DEPTOR: variants seen among roughly 807,000 people sequenced by gnomAD.
DEPTOR encodes DEP domain containing MTOR interacting protein, also known as DEP domain-containing mTOR-interacting protein.
Under a neutral mutation model 41.6 loss-of-function variants are expected in DEPTOR, and 41 were observed. The observed-to-expected ratio is 0.98, with a 90% CI of 0.77 to 1.28. The LOEUF (loss-of-function observed/expected upper bound fraction) is 1.28. Among genes scored for constraint, DEPTOR ranks in the 50% most tolerant of loss-of-function variants. The pLI is 0.00. For synonymous variants in DEPTOR, 195 were observed against 192.3 expected, an observed-to-expected ratio of 1.01 and a Z score of -0.12; for missense variants, 514 against 527.9, an observed-to-expected ratio of 0.97 and a Z score of 0.26.
intron 1 of DEPTOR, among the ~76,000 whole-genome samples, chr8:119,927,584 T>A (rs1002704146): frequency 2.0e-5 from 3 of 147,100 alleles, no homozygotes; most frequent in African/African-American, 7.4e-5. Flanking sequence ...TATATATACA[T>A]ATATATTATA....
At chr8:119,905,275 C>G (rs1035662919) in intron 1 of DEPTOR, among the ~76,000 whole-genome samples, 5 of 152,142 alleles carry the variant, frequency 3.3e-5, no homozygotes, top group Admixed American at 3.3e-4. Flanking sequence ...AATTACAACC[C>G]AGCATGAGAA....
chr8:119,955,316 T>C (rs1195903661), intron 3 of DEPTOR, among the ~76,000 whole-genome samples: 1 of 152,238 alleles, frequency 6.6e-6, no homozygotes, highest in African/African-American at 2.4e-5. Context: ...TTCTCTGTTA[T>C]GTTGCTTGTG....
chr8:119,989,482 C>T (rs1172735522), intron 4 of DEPTOR, among the ~76,000 whole-genome samples: 3 of 152,098 alleles, frequency 2.0e-5, no homozygotes, highest in African/African-American at 7.2e-5. Context: ...GGGGTGAGAC[C>T]TGGAGTGAGT....
At chr8:119,888,511 C>T (rs185680821) in intron 1 of DEPTOR, among the ~76,000 whole-genome samples, 68 of 152,220 alleles carry the variant, frequency 4.5e-4, no homozygotes, top group African/African-American at 1.5e-3. Flanking sequence ...AGTGCCTCAT[C>T]ACTAGTTTGA....
intron 3 of DEPTOR, among the ~76,000 whole-genome samples, chr8:119,959,092 C>T (rs559786016): frequency 1.3e-5 from 2 of 151,640 alleles, no homozygotes; most frequent in South Asian, 2.1e-4. Flanking sequence ...TATACCAACT[C>T]TGCTGTTACT....
At chr8:119,946,021 CG>C (rs767345464) in intron 3 of DEPTOR, among the ~76,000 whole-genome samples, 2 of 152,088 alleles carry the variant, frequency 1.3e-5, no homozygotes, top group Non-Finnish European at 2.9e-5. Flanking sequence ...CTCGGTTGGT[CG>C]GGCGCTTTGT....
At chr8:119,989,272 A>G (rs1429834816) in intron 4 of DEPTOR, among the ~76,000 whole-genome samples, 1 of 152,094 alleles carries the variant, frequency 6.6e-6, no homozygotes, top group African/African-American at 2.4e-5. Context: ...AAATATTAGG[A>G]TTACAGGCAG....
intron 6 of DEPTOR, among the ~76,000 whole-genome samples, chr8:120,006,155 A>G (rs554747914): frequency 2.0e-4 from 31 of 152,286 alleles, no homozygotes; most frequent in Non-Finnish European, 3.1e-4. Flanking sequence ...CCTCTCTAGC[A>G]TATGTTGAGT....
chr8:119,929,950 A>T lies in DEPTOR; in HGVS notation c.425+12A>T. 1 of 1,605,996 alleles carries T rather than the reference A, an allele frequency of 6.2e-7. No individual in the cohort carries two copies. Among genetic ancestry groups the T allele is most frequent in the Non-Finnish European group, 8.5e-7 (1 of 1,174,228 alleles). ...AGGCTATATGAAAAGTATGTTCCGCATGAAATCCCCCCTGTAATCTTGACT... is the reference window on the plus strand; with the variant it reads ...AGGCTATATGAAAAGTATGTTCCGCTTGAAATCCCCCCTGTAATCTTGACT... On this transcript the variant is annotated intron_variant, in intron 3 of 8. Coordinates refer to ENST00000286234, the MANE Select transcript of DEPTOR (RefSeq NM_022783.4).
intron 4 of DEPTOR, among the ~76,000 whole-genome samples, chr8:119,996,708 T>A (rs1464906562): frequency 6.6e-6 from 1 of 152,110 alleles, no homozygotes; most frequent in East Asian, 1.9e-4. Context: ...TGCTATAGAT[T>A]TTTTTTGGAT....
rs1813220503 is a variant in DEPTOR, at chr8:120,050,523, T to A, written c.*819T>A. 6.6e-6 allele frequency: 1 copy of A among 152,206 alleles called. No individual in the cohort carries two copies. The highest frequency in any genetic ancestry group is 1.5e-5 in the Non-Finnish European group (1 of 68,034). The allele number at this position is 152,206 out of a possible 1,614,324, so 9.4% of individuals were successfully genotyped here. Reference sequence around the variant, plus strand: ...TAAAAATCAACCCTTCTGGCAAGATTTCACTTTGAAGGTGTCTGTTTTTAA... The same window carrying A: ...TAAAAATCAACCCTTCTGGCAAGATATCACTTTGAAGGTGTCTGTTTTTAA... On this transcript the variant is annotated 3_prime_UTR_variant, in exon 9 of 9. Transcript: ENST00000286234.
intron 3 of DEPTOR, 115 bp downstream of exon 3, chr8:119,930,053 C>T: frequency 1.6e-6 from 2 of 1,262,024 alleles, no homozygotes; most frequent in Non-Finnish European, 2.1e-6. Context: ...GGTTACATAA[C>T]TGTTCTTTTC....
In DEPTOR at chr8:120,021,329, G is replaced by A. The variant is rs1404677192; in HGVS notation, c.1101+12196G>A. Among the ~76,000 whole-genome samples the A allele has an allele frequency of 2.6e-5, 4 of 152,172 alleles. No homozygotes were observed. In the East Asian group the frequency reaches 7.7e-4, roughly 29 times the overall value. On this transcript the variant is annotated intron_variant, in intron 8 of 8. Transcript: ENST00000286234. The stretch of plus-strand genomic sequence containing the variant: ...GAGGCAGGAGAATCACCTGAACCCA[G>A]GAGGCAGAGGTTGCAGTGAGCTGAG...
At chr8:119,894,091 C>T (rs1241565728) in intron 1 of DEPTOR, among the ~76,000 whole-genome samples, 1 of 151,866 alleles carries the variant, frequency 6.6e-6, no homozygotes, top group Non-Finnish European at 1.5e-5. Flanking sequence ...TTTTTTGATA[C>T]AAGGTCTTCC....
At chr8:120,037,468 C>T (rs1450336573) in intron 8 of DEPTOR, among the ~76,000 whole-genome samples, 1 of 152,148 alleles carries the variant, frequency 6.6e-6, no homozygotes, top group Non-Finnish European at 1.5e-5. Flanking sequence ...CAGTTAAAGG[C>T]AGAGATTAGG....
At chr8:119,988,958 CTTTTTT>C (rs71571643) in intron 4 of DEPTOR, among the ~76,000 whole-genome samples, 2 of 93,974 alleles carry the variant, frequency 2.1e-5, no homozygotes, top group Non-Finnish European at 3.9e-5. Context: ...TTTTTTTTTT[CTTTTTT>C]TTTTTTTTTT....
At chr8:120,002,791 A>AAAAAATATATATATATATATATATATAT in intron 5 of DEPTOR, among the ~76,000 whole-genome samples, 186 bp from the exon 6 acceptor site, 19 of 60,606 alleles carry the variant, frequency 3.1e-4, no homozygotes, top group Non-Finnish European at 3.5e-4. Context: ...AAAAAAAAAA[A>AAAAAATATATATATATATATATATATAT]ATATATATAT....
chr8:119,981,609 G>A (rs1184101155), intron 4 of DEPTOR, among the ~76,000 whole-genome samples: 2 of 147,444 alleles, frequency 1.4e-5, no homozygotes, highest in African/African-American at 5.0e-5. Context: ...AGAGAGCAGT[G>A]ATTGTGCCAC....
intron 3 of DEPTOR, among the ~76,000 whole-genome samples, chr8:119,944,657 C>CTTTTTT (rs11428615): frequency 1.5e-5 from 2 of 136,978 alleles, no homozygotes; most frequent in Non-Finnish European, 3.1e-5. Flanking sequence ...TCTTTCTTTT[C>CTTTTTT]TTTTTTTTTT....
Sources: allele counts gnomAD v4.1 joint callset (sites outside exome capture counted in the v4.1 genomes callset), GRCh38; gene constraint gnomAD v4.1.1; transcripts MANE v1.5; gene names NCBI Gene and HGNC (gene_info 2026-07-23, HGNC 2026-07-21).